KATNIP: variants seen among roughly 807,000 people sequenced by gnomAD.
KATNIP encodes katanin interacting protein.
In KATNIP, 126 loss-of-function variants were observed where a neutral mutation model predicts 174.0. The observed-to-expected ratio is 0.72, with a 90% CI of 0.63 to 0.84. The LOEUF is 0.84. Among genes scored for constraint, KATNIP ranks in the 40% least tolerant of loss-of-function variants. KATNIP has a pLI of 0.00. For missense variants in KATNIP, 1,958 were observed against 2,109.7 expected, an observed-to-expected ratio of 0.93 and a Z score of 1.41; for synonymous variants, 810 against 835.7, an observed-to-expected ratio of 0.97 and a Z score of 0.53.
At chr16:27,749,460 T>TA (rs1306509125) in intron 15 of KATNIP, 124 bp from the exon 16 acceptor site, 1 of 1,181,180 alleles carries the variant, frequency 8.5e-7, no homozygotes, top group African/African-American at 1.5e-5. Flanking sequence ...CGCTGGTTTC[T>TA]AGAGGGCTCC....
chr16:27,641,318 C>T (rs1308326776), intron 5 of KATNIP, among the ~76,000 whole-genome samples: 4 of 152,106 alleles, frequency 2.6e-5, no homozygotes, highest in African/African-American at 7.2e-5. Flanking sequence ...CTTCATCTCT[C>T]AACCCCCCCT....
At position 27,769,864 on chromosome 16, in the gene KATNIP, A is replaced by C. The variant is rs774460738; in HGVS notation, c.3979A>C (p.Lys1327Gln). 6.2e-7 allele frequency: 1 copy of C among 1,613,656 alleles called. No homozygotes were observed. ...KSPEDTYRGA[K>Q]IVHVSLDGLC... Reference sequence around the variant, plus strand: ...TGTTATTTCTTTTGTTTGCCAGGCCAAGATTGTCCACGTCTCCCTGGATGG... The same window carrying C: ...TGTTATTTCTTTTGTTTGCCAGGCCCAGATTGTCCACGTCTCCCTGGATGG... The change falls in exon 21 of 28, where the codon AAG becomes CAG. Residue 1327 changes from lysine (K) to glutamine (Q), a missense_variant. Lys to Gln is a moderately conservative substitution (Grantham distance 53). This residue lies in a region of KATNIP where 383 missense variants were observed against 456.0 expected (regional missense o/e 0.84). Coordinates refer to ENST00000261588, the MANE Select transcript of KATNIP (RefSeq NM_015202.5).
rs1297688911 is a variant in KATNIP at position 27,703,922 on chromosome 16, T to G, written c.1313T>G (p.Leu438Arg). 1.9e-6 allele frequency: 3 copies of G among 1,614,210 alleles called. No homozygotes were observed. The highest frequency in any genetic ancestry group is 2.5e-6 in the Non-Finnish European group (3 of 1,180,014). Reference sequence around the variant, plus strand: ...CAACAGCAGAAGCTTCTGAAAGTCCTCCAGGCCGTCGAAAGTGACTCTGCC... The same window carrying G: ...CAACAGCAGAAGCTTCTGAAAGTCCGCCAGGCCGTCGAAAGTGACTCTGCC... ...SRQQQKLLKVLQAVESDSAHL... is the reference protein window; with the variant it reads ...SRQQQKLLKVRQAVESDSAHL... Residue 438 changes from leucine to arginine, a missense_variant, in exon 12 of 28, where the codon CTC (leucine) becomes CGC (arginine). By Grantham distance (102) the Leu-to-Arg change is moderately radical (BLOSUM62 -2). Transcript: ENST00000261588.
At position 27,689,594 on chromosome 16, in the gene KATNIP, G is replaced by T. The variant is rs1007631566; in HGVS notation, c.940+8064G>T. On this transcript the variant is annotated intron_variant, in intron 8 of 27. Transcript: ENST00000261588. ...ACAGTGGCAGAATGATGACAGGGCT[G>T]CAGACAGCACCTGCCATCAAGAAAA... Among the ~76,000 whole-genome samples the T allele has an allele frequency of 4.6e-5, 7 of 152,274 alleles. No individual in the cohort carries two copies. The East Asian group carries it at 1.4e-3, about 29-fold the overall frequency.
intron 13 of KATNIP, among the ~76,000 whole-genome samples, chr16:27,715,669 C>T (rs2079900297): frequency 6.6e-6 from 1 of 152,116 alleles, no homozygotes; most frequent in Non-Finnish European, 1.5e-5. Context: ...GTACAAATGG[C>T]TAATGAGCAC....
intron 8 of KATNIP, among the ~76,000 whole-genome samples, chr16:27,688,405 C>A (rs2078597339): frequency 6.6e-6 from 1 of 152,112 alleles, no homozygotes; most frequent in Non-Finnish European, 1.5e-5. Flanking sequence ...TCAGCCTGAC[C>A]AGTACGGTGA....
intron 6 of KATNIP, among the ~76,000 whole-genome samples, chr16:27,658,031 G>A (rs1042200263): frequency 8.5e-5 from 13 of 152,142 alleles, no homozygotes; most frequent in Non-Finnish European, 1.6e-4. Flanking sequence ...GGGTACATGG[G>A]CTCTCTCTTT....
intron 13 of KATNIP, chr16:27,709,124 G>C (rs1449085167): frequency 4.0e-6 from 2 of 504,958 alleles, no homozygotes; most frequent in Non-Finnish European, 7.0e-6. Flanking sequence ...TTCAAGACCA[G>C]CCTGGGCAAC....
intron 19 of KATNIP, among the ~76,000 whole-genome samples, chr16:27,763,032 A>G (rs943917001): frequency 6.6e-6 from 1 of 152,194 alleles, no homozygotes; most frequent in East Asian, 1.9e-4. Context: ...TACTTGAAAA[A>G]GTTGCCTGTG....
At position 27,628,729 on chromosome 16, in the gene KATNIP, C is replaced by T. The variant is rs61742780; in HGVS notation, c.209C>T (p.Ser70Phe). Reference protein sequence around the residue: ...LRLEHLEQGFSVYVNGANSEL... With the variant: ...LRLEHLEQGFFVYVNGANSEL... ...CTGGAGCACTTGGAGCAAGGTTTCT[C>T]TGTCTATGTCAACGGTGCCAATTCG... Residue 70 changes from serine to phenylalanine, a missense_variant, in exon 4 of 28, where the codon TCT becomes TTT. Physicochemically the swap from Ser to Phe is radical, Grantham distance 155. Transcript: ENST00000261588. 4 of 1,614,106 alleles carry T rather than the reference C, an allele frequency of 2.5e-6. No individual in the cohort carries two copies. Among genetic ancestry groups the T allele is most frequent in the African/African-American group, 1.3e-5 (1 of 74,934 alleles).
chr16:27,623,673 T>C (rs1217678515), intron 3 of KATNIP, among the ~76,000 whole-genome samples: 1 of 152,130 alleles, frequency 6.6e-6, no homozygotes, highest in Non-Finnish European at 1.5e-5. Flanking sequence ...TATAAATGCC[T>C]TCTCCCCAAA....
At chr16:27,700,651 C>T (rs960996600) in intron 10 of KATNIP, among the ~76,000 whole-genome samples, 7 of 152,124 alleles carry the variant, frequency 4.6e-5, no homozygotes, top group African/African-American at 9.7e-5. Context: ...CAACAGGGAA[C>T]GGCATTCCAG....
At position 27,551,235 on chromosome 16, in the gene KATNIP, A is replaced by G. The variant is rs73533056; in HGVS notation, c.7+1058A>G. ...GGCTAGAGTCCAGATCATTTTTCTA[A>G]TTACAGCACTGTCCCTCACTTCTCG... On this transcript the variant is annotated intron_variant, in intron 1 of 27. Transcript: ENST00000261588. 9.4e-3 allele frequency among the ~76,000 whole-genome samples: 1,426 copies of G among 152,332 alleles called. 23 individuals are homozygous for G. Among genetic ancestry groups the G allele is most frequent in the African/African-American group, 0.033 (1,367 of 41,560 alleles).
intron 6 of KATNIP, among the ~76,000 whole-genome samples, chr16:27,668,607 AC>A (rs1200474695): frequency 2.0e-5 from 3 of 152,148 alleles, no homozygotes; most frequent in Admixed American, 6.5e-5. Flanking sequence ...ATTCCTCCAT[AC>A]CCTGGGTCTG....
chr16:27,691,786 G>A (rs951542846), intron 8 of KATNIP, among the ~76,000 whole-genome samples: 2 of 152,206 alleles, frequency 1.3e-5, no homozygotes, highest in Non-Finnish European at 2.9e-5. Flanking sequence ...GTTGCTGGAG[G>A]AGCATTTCCT....
intron 6 of KATNIP, among the ~76,000 whole-genome samples, chr16:27,661,612 C>T (rs1217897134): frequency 1.3e-5 from 2 of 151,484 alleles, no homozygotes; most frequent in East Asian, 3.9e-4. Flanking sequence ...AGGCTGGTCT[C>T]GAACTCCTGA....
chr16:27,663,679 G>C (rs2077596886), intron 6 of KATNIP, among the ~76,000 whole-genome samples: 1 of 150,470 alleles, frequency 6.6e-6, no homozygotes, highest in Non-Finnish European at 1.5e-5. Flanking sequence ...GGCTGCTCTC[G>C]AATTCCTGAC....
intron 1 of KATNIP, among the ~76,000 whole-genome samples, chr16:27,562,997 A>G (rs2089949705): frequency 6.6e-6 from 1 of 152,172 alleles, no homozygotes; most frequent in South Asian, 2.1e-4. Flanking sequence ...CTATTCAGAA[A>G]TTCGGTCATT....
chr16:27,626,994 A>G (rs1382448423), intron 3 of KATNIP, among the ~76,000 whole-genome samples: 2 of 151,266 alleles, frequency 1.3e-5, no homozygotes, highest in African/African-American at 4.8e-5. Flanking sequence ...GTTACCCTGT[A>G]GGATTATTGT....
Sources: gnomAD v4.1 joint callset for allele counts (sites outside exome capture counted in the v4.1 genomes callset) on GRCh38, gnomAD v4.1.1 for gene constraint, gnomAD v4.1.1 regional missense constraint, MANE v1.5 for transcripts, NCBI Gene and HGNC (gene_info 2026-07-23, HGNC 2026-07-21) for gene names.